Variants in ADGRB3 observed in about 807,000 individuals in gnomAD.
ADGRB3 encodes adhesion G protein-coupled receptor B3.
In ADGRB3, 37 loss-of-function variants were observed where a neutral mutation model predicts 193.4. That is an observed-to-expected ratio of 0.19 (90% CI 0.15 to 0.25). The LOEUF (loss-of-function observed/expected upper bound fraction) is 0.25. Ranked by LOEUF, ADGRB3 falls within the 10% of genes least tolerant of loss-of-function variation. The pLI, the probability that ADGRB3 is intolerant of heterozygous loss-of-function variation, is 1.00. For missense variants in ADGRB3, 1,637 were observed against 1,852.9 expected, an observed-to-expected ratio of 0.88 and a Z score of 2.14; for synonymous variants, 690 against 644.2, an observed-to-expected ratio of 1.07 and a Z score of -1.08.
At chr6:68,654,879 A>G (rs925657637) in intron 3 of ADGRB3, among the ~76,000 whole-genome samples, 3 of 151,898 alleles carry the variant, frequency 2.0e-5, no homozygotes, top group Non-Finnish European at 4.4e-5. Context: ...CATTCAGATC[A>G]GTATTCTACG....
At chr6:68,916,347 ATAT>A (rs1297785864) in intron 3 of ADGRB3, among the ~76,000 whole-genome samples, 1 of 152,164 alleles carries the variant, frequency 6.6e-6, no homozygotes, top group African/African-American at 2.4e-5. Context: ...AGTAAAGTTA[ATAT>A]TATGAGATTG....
At chr6:69,368,555 A>T (rs989094504) in intron 29 of ADGRB3, among the ~76,000 whole-genome samples, 1 of 152,126 alleles carries the variant, frequency 6.6e-6, no homozygotes, top group African/African-American at 2.4e-5. Flanking sequence ...AACTTAAAAG[A>T]TGGTATTCAA....
chr6:69,013,302 G>A (rs963533434), intron 11 of ADGRB3, among the ~76,000 whole-genome samples: 1 of 152,084 alleles, frequency 6.6e-6, no homozygotes, highest in Admixed American at 6.6e-5. Flanking sequence ...CTGCATGAAA[G>A]AAAAACCAGA....
At chr6:69,384,788 GA>G (rs1190600257) in intron 31 of ADGRB3, among the ~76,000 whole-genome samples, 2 of 151,742 alleles carry the variant, frequency 1.3e-5, no homozygotes, top group East Asian at 3.9e-4. Flanking sequence ...AGAAGAGAGA[GA>G]AAAAAATGCG....
intron 17 of ADGRB3, among the ~76,000 whole-genome samples, chr6:69,083,430 C>T (rs1002443275): frequency 1.3e-5 from 2 of 151,946 alleles, no homozygotes; most frequent in Non-Finnish European, 2.9e-5. Context: ...ATTATTTGTT[C>T]TGCTGTTTAA....
chr6:68,954,721 C>G (rs1414723077), intron 6 of ADGRB3, among the ~76,000 whole-genome samples: 1 of 151,484 alleles, frequency 6.6e-6, no homozygotes, highest in Admixed American at 6.6e-5. Flanking sequence ...GCTCTGTCCC[C>G]CAGGCTGGAG....
chr6:69,226,384 A>G (rs779967525), intron 17 of ADGRB3, among the ~76,000 whole-genome samples: 2 of 152,244 alleles, frequency 1.3e-5, no homozygotes, highest in African/African-American at 2.4e-5. Flanking sequence ...TATTCAACCA[A>G]TATTTATTAA....
chr6:68,696,550 A>G (rs1385175474), intron 3 of ADGRB3, among the ~76,000 whole-genome samples: 1 of 151,840 alleles, frequency 6.6e-6, no homozygotes, highest in South Asian at 2.1e-4. Context: ...TTATTCTGAC[A>G]TGGAGGAAAA....
At chr6:69,111,255 G>GTT (rs1773357891) in intron 17 of ADGRB3, among the ~76,000 whole-genome samples, 1 of 152,158 alleles carries the variant, frequency 6.6e-6, no homozygotes. Context: ...ATATAAAGCT[G>GTT]TTTGTTTTGT....
At chr6:69,383,840 C>T (rs1770005158) in intron 31 of ADGRB3, among the ~76,000 whole-genome samples, 1 of 152,010 alleles carries the variant, frequency 6.6e-6, no homozygotes, top group Non-Finnish European at 1.5e-5. Context: ...TTCTCCTTTG[C>T]CCAAATATGG....
chr6:69,022,835 A>T (rs1000148042), intron 13 of ADGRB3, among the ~76,000 whole-genome samples: 1 of 152,010 alleles, frequency 6.6e-6, no homozygotes, highest in Non-Finnish European at 1.5e-5. Flanking sequence ...AATGGAGTGT[A>T]TGAGATCTGA....
intron 30 of ADGRB3, among the ~76,000 whole-genome samples, chr6:69,376,555 T>C (rs1478478988): frequency 1.3e-5 from 2 of 151,984 alleles, no homozygotes; most frequent in East Asian, 3.9e-4. Flanking sequence ...CCCATTTTCA[T>C]GGGGGCTTGA....
chr6:68,674,191 A>C (rs1165635935), intron 3 of ADGRB3, among the ~76,000 whole-genome samples: 1 of 152,118 alleles, frequency 6.6e-6, no homozygotes. Context: ...TAGAGAGAGA[A>C]AGGATTTTCT....
At chr6:69,144,040 T>C (rs1774415286) in intron 17 of ADGRB3, among the ~76,000 whole-genome samples, 1 of 152,222 alleles carries the variant, frequency 6.6e-6, no homozygotes, top group African/African-American at 2.4e-5. Flanking sequence ...TTTTTGTGTG[T>C]GTCCTCTTAA....
At chr6:68,667,955 T>C (rs1168766912) in intron 3 of ADGRB3, among the ~76,000 whole-genome samples, 2 of 151,554 alleles carry the variant, frequency 1.3e-5, no homozygotes, top group Non-Finnish European at 2.9e-5. Flanking sequence ...TATATGACCA[T>C]CCAGCCCTAG....
intron 13 of ADGRB3, among the ~76,000 whole-genome samples, chr6:69,035,222 G>T (rs951525784): frequency 6.6e-6 from 1 of 151,982 alleles, no homozygotes. Context: ...GCTGGTATGA[G>T]GATTTAAATG....
intron 30 of ADGRB3, among the ~76,000 whole-genome samples, chr6:69,380,885 A>T (rs1194364812): frequency 6.6e-6 from 1 of 151,902 alleles, no homozygotes; most frequent in Admixed American, 6.6e-5. Flanking sequence ...GTATTAAATG[A>T]TGGAATAAAA....
chr6:69,020,774 C>T (rs1770239458), intron 13 of ADGRB3, among the ~76,000 whole-genome samples: 1 of 151,962 alleles, frequency 6.6e-6, no homozygotes, highest in Non-Finnish European at 1.5e-5. Flanking sequence ...CAAATGCTAG[C>T]TCAGGGACTG....
rs555947684 is a variant in ADGRB3, at chr6:69,113,475, A to G, written c.2480+37437A>G. On this transcript the variant is annotated intron_variant, in intron 17 of 31. Transcript: ENST00000370598. ...AAATTAGTGGAAACTCAAGTTCTAAAAAAACTAAAGTTATAATTAGTAACC... is the reference window on the plus strand; with the variant it reads ...AAATTAGTGGAAACTCAAGTTCTAAGAAAACTAAAGTTATAATTAGTAACC... 1.1e-4 allele frequency among the ~76,000 whole-genome samples: 16 copies of G among 152,264 alleles called. No homozygotes were observed. In the South Asian group the frequency reaches 2.7e-3, roughly 26 times the overall value.
Sources: allele counts gnomAD v4.1 joint callset (sites outside exome capture counted in the v4.1 genomes callset), GRCh38; gene constraint gnomAD v4.1.1; transcripts MANE v1.5; gene names NCBI Gene and HGNC (gene_info 2026-07-23, HGNC 2026-07-21).